Variants in NFIA observed in about 807,000 individuals in gnomAD.
NFIA encodes the protein nuclear factor 1 A-type.
A neutral mutation model predicts 62.8 loss-of-function variants in NFIA; 8 were observed. The ratio of observed to expected loss-of-function variants is 0.13; its 90% CI spans 0.07 to 0.23. NFIA has a LOEUF of 0.23. Ranked by LOEUF, NFIA falls within the 10% of genes least tolerant of loss-of-function variation. The pLI is 1.00. For synonymous variants in NFIA, 235 were observed against 238.1 expected (o/e 0.99, Z 0.12); for missense variants, 410 against 642.1 (o/e 0.64, Z 3.91).
At chr1:61,439,999 G>A (rs138523320) in intron 10 of NFIA, among the ~76,000 whole-genome samples, 3 of 152,000 alleles carry the variant, frequency 2.0e-5, no homozygotes, top group African/African-American at 7.3e-5. Context: ...AAACTGAGTG[G>A]GTGTCATTTG....
intron 6 of NFIA, among the ~76,000 whole-genome samples, chr1:61,360,755 C>T (rs957057404): frequency 1.3e-5 from 2 of 152,194 alleles, no homozygotes; most frequent in African/African-American, 4.8e-5. Flanking sequence ...GTAATCTATA[C>T]AATCGTTAAC....
At chr1:61,338,378 C>A (rs1661729165) in intron 4 of NFIA, among the ~76,000 whole-genome samples, 1 of 152,240 alleles carries the variant, frequency 6.6e-6, no homozygotes. Context: ...GCATATGCCT[C>A]AGCCTGGCAT....
rs186530887 is a variant in NFIA at position 61,169,030 on chromosome 1, G to A, written c.559+80350G>A. On this transcript the variant is annotated intron_variant, in intron 2 of 10. Transcript: ENST00000403491. ...TCCTCCTATCAGGCTCTGTTTGTGG[G>A]AAGCCTAAATGCATAAAATAGCAAC... Among the ~76,000 whole-genome samples, 3 of 152,270 alleles carry A rather than the reference G, an allele frequency of 2.0e-5. No individual in the cohort carries two copies. The East Asian group carries it at 5.8e-4, about 29-fold the overall frequency.
intron 2 of NFIA, among the ~76,000 whole-genome samples, chr1:61,133,551 C>A (rs1647121083): frequency 2.0e-5 from 3 of 152,104 alleles, no homozygotes; most frequent in African/African-American, 7.2e-5. Flanking sequence ...GTTGAGTGAA[C>A]AAAATGAATG....
At position 61,257,494 on chromosome 1, in the gene NFIA, T is replaced by A. The variant is rs531513766; in HGVS notation, c.560-20026T>A. ...CTGGGATTACAGGCACACATCACCATGTCCAGCTAATTTTTGTATTTTTTT... is the reference window on the plus strand; with the variant it reads ...CTGGGATTACAGGCACACATCACCAAGTCCAGCTAATTTTTGTATTTTTTT... On this transcript the variant is annotated intron_variant, in intron 2 of 10. Transcript: ENST00000403491. Among the ~76,000 whole-genome samples the A allele has an allele frequency of 6.3e-4, 95 of 151,678 alleles. 1 individual carries two copies. The Middle Eastern group carries it at 0.014, about 22-fold the overall frequency.
intron 2 of NFIA, among the ~76,000 whole-genome samples, chr1:61,205,824 G>A (rs72929840): frequency 0.011 from 1,681 of 148,452 alleles, 29 homozygotes; most frequent in African/African-American, 0.039. Flanking sequence ...AGGTTACCAT[G>A]TTTTACCTTG....
intron 4 of NFIA, among the ~76,000 whole-genome samples, chr1:61,348,521 G>C (rs566876763): frequency 6.6e-6 from 1 of 152,260 alleles, no homozygotes; most frequent in East Asian, 1.9e-4. Flanking sequence ...TACTTAAGTG[G>C]TTCACAGGAA....
intron 2 of NFIA, among the ~76,000 whole-genome samples, chr1:61,193,183 T>A (rs1295307523): frequency 6.6e-6 from 1 of 152,222 alleles, no homozygotes; most frequent in African/African-American, 2.4e-5. Context: ...TGTGTTTGGC[T>A]TGGACCAATT....
chr1:61,368,549 A>AT (rs143228765), intron 6 of NFIA, among the ~76,000 whole-genome samples: 2,035 of 152,334 alleles, frequency 0.013, 29 homozygotes, highest in African/African-American at 0.046. Flanking sequence ...ATATGTAAAC[A>AT]TTGAGGACAA....
At chr1:61,368,728 G>T (rs1047275136) in intron 6 of NFIA, among the ~76,000 whole-genome samples, 3 of 152,132 alleles carry the variant, frequency 2.0e-5, no homozygotes, top group Middle Eastern at 3.2e-3. Flanking sequence ...ATGCTGTAAA[G>T]AAATACTGTA....
At chr1:61,423,167 GCTT>G (rs1666713105) in intron 9 of NFIA, among the ~76,000 whole-genome samples, 1 of 151,708 alleles carries the variant, frequency 6.6e-6, no homozygotes, top group African/African-American at 2.4e-5. Flanking sequence ...CTGGCCAGAA[GCTT>G]CTTATAGGAA....
intron 2 of NFIA, among the ~76,000 whole-genome samples, chr1:61,150,197 C>G (rs1648299522): frequency 6.6e-6 from 1 of 152,218 alleles, no homozygotes. Flanking sequence ...GGGCCAGGCT[C>G]TGCTCCACTC....
intron 3 of NFIA, among the ~76,000 whole-genome samples, chr1:61,283,612 T>C (rs1426851459): frequency 1.0e-5 from 1 of 99,880 alleles, no homozygotes; most frequent in East Asian, 3.8e-4. Flanking sequence ...AAAAAAAGAT[T>C]TATGTGTAGG....
chr1:61,364,911 G>A (rs1663501422), intron 6 of NFIA, among the ~76,000 whole-genome samples: 1 of 152,156 alleles, frequency 6.6e-6, no homozygotes, highest in South Asian at 2.1e-4. Context: ...TCACCTGGGG[G>A]CTTACTAAAA....
chr1:61,268,529 C>G (rs932185514), intron 2 of NFIA, among the ~76,000 whole-genome samples: 22 of 151,850 alleles, frequency 1.4e-4, no homozygotes, highest in African/African-American at 5.1e-4. Context: ...AGCCTTAGTT[C>G]TGAGGGTCTT....
intron 2 of NFIA, among the ~76,000 whole-genome samples, chr1:61,119,200 G>A (rs562084782): frequency 2.0e-5 from 3 of 152,068 alleles, no homozygotes; most frequent in Non-Finnish European, 4.4e-5. Flanking sequence ...ATGTAGGTAT[G>A]TTTCCCCCTG....
chr1:61,242,224 G>A (rs1039632240), intron 2 of NFIA, among the ~76,000 whole-genome samples: 11 of 152,022 alleles, frequency 7.2e-5, no homozygotes, highest in Non-Finnish European at 1.6e-4. Context: ...TCAGACACTT[G>A]GCATGAGCTC....
intron 2 of NFIA, among the ~76,000 whole-genome samples, chr1:61,142,168 A>G (rs928622554): frequency 2.6e-5 from 4 of 152,220 alleles, no homozygotes; most frequent in African/African-American, 9.6e-5. Flanking sequence ...CCATTTAAGA[A>G]AGAATTTAAA....
At chr1:61,185,129 G>T (rs1651069718) in intron 2 of NFIA, among the ~76,000 whole-genome samples, 1 of 152,080 alleles carries the variant, frequency 6.6e-6, no homozygotes, top group African/African-American at 2.4e-5. Context: ...AAACTTACAT[G>T]CTTTATCTTT....
Sources: allele counts gnomAD v4.1 joint callset (sites outside exome capture counted in the v4.1 genomes callset), GRCh38; gene constraint gnomAD v4.1.1; transcripts MANE v1.5; gene names NCBI Gene and HGNC (gene_info 2026-07-23, HGNC 2026-07-21).